The following PATJ variants were observed in gnomAD, a reference collection of about 807,000 sequenced individuals.
PATJ encodes PATJ crumbs cell polarity complex component, also known as inaD-like protein.
PATJ carries 190 observed loss-of-function variants against 224.9 expected under a neutral mutation model. That is an observed-to-expected ratio of 0.84 (90% CI 0.75 to 0.95). The LOEUF (loss-of-function observed/expected upper bound fraction) is 0.95. Ranked by LOEUF, PATJ falls within the 40% of genes least tolerant of loss-of-function variation. PATJ has a pLI of 0.00. For missense variants in PATJ, 2,121 were observed against 2,270.3 expected, an observed-to-expected ratio of 0.93 and a Z score of 1.34; for synonymous variants, 769 against 820.3, an observed-to-expected ratio of 0.94 and a Z score of 1.07.
chr1:62,102,849 T>C (rs1268674955), intron 33 of PATJ, among the ~76,000 whole-genome samples: 2 of 91,408 alleles, frequency 2.2e-5, no homozygotes, highest in Non-Finnish European at 4.0e-5. Context: ...AACAGAGCAA[T>C]ACCCTGTCTC....
chr1:61,882,432 A>C (rs375372963), intron 21 of PATJ, among the ~76,000 whole-genome samples: 17 of 152,332 alleles, frequency 1.1e-4, no homozygotes, highest in African/African-American at 4.1e-4. Context: ...GCAGATAAAC[A>C]AAAAGTAGAA....
chr1:61,771,200 A>T (rs145303246), intron 5 of PATJ, among the ~76,000 whole-genome samples: 85 of 152,258 alleles, frequency 5.6e-4, no homozygotes, highest in African/African-American at 1.9e-3. Flanking sequence ...TTCTAGGCAG[A>T]TAGCTTTTAA....
chr1:61,984,182 G>A (rs11588413), intron 27 of PATJ, among the ~76,000 whole-genome samples: 17,386 of 128,396 alleles, frequency 0.14, 1,300 homozygotes, highest in Middle Eastern at 0.24. Context: ...TTTTTTTGAG[G>A]CAGAGTGTTG....
chr1:61,941,266 C>A (rs1384659075), intron 27 of PATJ, among the ~76,000 whole-genome samples: 1 of 152,194 alleles, frequency 6.6e-6, no homozygotes, highest in African/African-American at 2.4e-5. Flanking sequence ...ACATTCCCAA[C>A]AAACTTATGG....
chr1:61,872,202 T>C (rs1423928842), intron 20 of PATJ, among the ~76,000 whole-genome samples: 1 of 152,210 alleles, frequency 6.6e-6, no homozygotes, highest in Non-Finnish European at 1.5e-5. Context: ...CTGTTTTCTG[T>C]AAGAAGTTCT....
chr1:62,065,347 A>T (rs1040149340), intron 31 of PATJ, among the ~76,000 whole-genome samples: 5 of 152,202 alleles, frequency 3.3e-5, no homozygotes, highest in African/African-American at 1.2e-4. Flanking sequence ...GCCGTGGCTC[A>T]TGTCTGTAAT....
At chr1:62,005,422 T>TG (rs1370624302) in intron 28 of PATJ, among the ~76,000 whole-genome samples, 2 of 151,598 alleles carry the variant, frequency 1.3e-5, no homozygotes, top group East Asian at 3.9e-4. Flanking sequence ...ATGTGGTTTT[T>TG]TTTTTTTTTT....
intron 14 of PATJ, among the ~76,000 whole-genome samples, chr1:61,816,885 A>G (rs1656214149): frequency 6.6e-6 from 1 of 152,184 alleles, no homozygotes. Flanking sequence ...CAAAATACAC[A>G]TGCCCTGTTT....
At position 61,861,284 on chromosome 1, in the gene PATJ, C is replaced by CTTTTTTTTTTTTTTTTTTTT; in HGVS notation, c.2323-263_2323-244dup. On this transcript the variant is annotated intron_variant, in intron 18 of 43. Transcript: ENST00000642238. ...TGAAACCAGGATATTTTCTTTCTTT[C>CTTTTTTTTTTTTTTTTTTTT]TTTTTTTTTTTTTTTTTTTTTTTAC... Among the ~76,000 whole-genome samples the CTTTTTTTTTTTTTTTTTTTT allele has an allele frequency of 8.1e-3, 397 of 48,824 alleles. 51 individuals carry two copies. The highest frequency in any genetic ancestry group is 0.014 in the East Asian group (9 of 660). 32.0% of individuals were successfully genotyped at this position (48,824 alleles called of 152,430 possible).
Position 61,766,371 on chromosome 1 carries a change from T to C in PATJ, c.282T>C (p.Asn94=). ...VFTDGSITNG[N]VHRPSNNSTV... Reference sequence around the variant, plus strand: ...CAGATGGTTCCATCACTAATGGAAATGTCCACAGGCCCTCTAATAACTCGA... The same window carrying C: ...CAGATGGTTCCATCACTAATGGAAACGTCCACAGGCCCTCTAATAACTCGA... The change falls in exon 4 of 44, where the codon AAT becomes AAC. Residue 94 remains asparagine, a synonymous_variant. Transcript: ENST00000642238. The C allele has an allele frequency of 6.2e-7, 1 of 1,610,008 alleles. No homozygotes were observed. Among genetic ancestry groups the C allele is most frequent in the Non-Finnish European group, 8.5e-7 (1 of 1,177,226 alleles).
Position 61,875,321 on chromosome 1 carries a change from G to A in PATJ, c.2914G>A (p.Asp972Asn), listed in dbSNP as rs761706674. Reference sequence around the variant, plus strand: ...AAACAGTCAACAAGGCAGATTTGACGACCTGGAAAATCTTAATTCATTAGC... The same window carrying A: ...AAACAGTCAACAAGGCAGATTTGACAACCTGGAAAATCTTAATTCATTAGC... ...EGNSQQGRFD[D>N]LENLNSLAKT... Residue 972 changes from aspartate (D) to asparagine (N), a missense_variant, in exon 21 of 44, where the codon GAC becomes AAC. Physicochemically the swap from Asp to Asn is conservative, Grantham distance 23. Transcript: ENST00000642238. 3.7e-5 allele frequency: 59 copies of A among 1,610,904 alleles called. No individual in the cohort carries two copies. Among genetic ancestry groups the A allele is most frequent in the Non-Finnish European group, 4.8e-5 (57 of 1,178,010 alleles).
At chr1:61,992,396 G>A (rs1645120547) in intron 28 of PATJ, among the ~76,000 whole-genome samples, 1 of 152,106 alleles carries the variant, frequency 6.6e-6, no homozygotes, top group Admixed American at 6.6e-5. Flanking sequence ...GGGATTACAG[G>A]CGTGAGTCAC....
intron 26 of PATJ, among the ~76,000 whole-genome samples, chr1:61,926,021 T>C (rs1459305782): frequency 6.6e-6 from 1 of 152,228 alleles, no homozygotes; most frequent in Non-Finnish European, 1.5e-5. Flanking sequence ...CTGACATTTT[T>C]CTAAGGTTAA....
chr1:61,981,757 C>T (rs541614663), intron 27 of PATJ, among the ~76,000 whole-genome samples: 6 of 151,732 alleles, frequency 4.0e-5, no homozygotes, highest in Non-Finnish European at 7.4e-5. Context: ...GTGCAAGCTC[C>T]GCCTCCCAGA....
intron 37 of PATJ, among the ~76,000 whole-genome samples, chr1:62,118,364 T>C (rs528854609): frequency 6.6e-6 from 1 of 152,296 alleles, no homozygotes; most frequent in South Asian, 2.1e-4. Flanking sequence ...TCATCTTTGT[T>C]GAATGATTTC....
intron 30 of PATJ, among the ~76,000 whole-genome samples, chr1:62,047,140 C>T (rs1037407931): frequency 6.6e-6 from 1 of 152,218 alleles, no homozygotes; most frequent in East Asian, 1.9e-4. Flanking sequence ...TTTCAGCTGA[C>T]GCCTCTTCAT....
chr1:62,074,896 G>A (rs567469763), intron 31 of PATJ, among the ~76,000 whole-genome samples: 10 of 152,160 alleles, frequency 6.6e-5, no homozygotes, highest in African/African-American at 2.4e-4. Context: ...CCCAGGAGGC[G>A]GAGGTTGCAG....
In PATJ at chr1:62,148,388, A is replaced by G; in HGVS notation, c.5376A>G (p.Thr1792=). 1 of 1,607,488 alleles carries G rather than the reference A, an allele frequency of 6.2e-7. No homozygotes were observed. Among genetic ancestry groups the G allele is most frequent in the South Asian group, 1.1e-5 (1 of 90,948 alleles). The change falls in exon 42 of 44, where the codon ACA becomes ACG. Residue 1792 remains threonine, a splice_region_variant and synonymous_variant. Coordinates refer to ENST00000642238, the MANE Select transcript of PATJ (RefSeq NM_001350145.3). ...CTGCTGAACACCATCCAGAAGACAC[A>G]GAGTGAGTATTTCAGATGCAGAGGG... ...SPTAEHHPED[T]ETPPPKIITL...
chr1:62,092,749 T>TA (rs564117577), intron 33 of PATJ, among the ~76,000 whole-genome samples: 9,658 of 150,684 alleles, frequency 0.064, 513 homozygotes, highest in African/African-American at 0.15. Context: ...TTTATTTATT[T>TA]TTTTATTTTT....
Sources: gnomAD v4.1 joint callset for allele counts (sites outside exome capture counted in the v4.1 genomes callset) on GRCh38, gnomAD v4.1.1 for gene constraint, MANE v1.5 for transcripts, NCBI Gene and HGNC (gene_info 2026-07-23, HGNC 2026-07-21) for gene names.